Variants in CEP128 observed in about 807,000 individuals in gnomAD.
The protein encoded by CEP128 is centrosomal protein 128kDa.
In CEP128, 132 loss-of-function variants were observed where a neutral mutation model predicts 156.7. That is an observed-to-expected ratio of 0.84 (90% CI 0.73 to 0.97). The LOEUF is 0.97. CEP128 is among the 50% of genes least tolerant of loss of function. The pLI is 0.00. For missense variants in CEP128, 1,252 were observed against 1,281.9 expected (o/e 0.98, Z 0.36); for synonymous variants, 469 against 448.9 (o/e 1.04, Z -0.57).
intron 2 of CEP128, among the ~76,000 whole-genome samples, chr14:80,927,359 A>G (rs2371457): frequency 0.69 from 104,149 of 151,914 alleles, 36,820 homozygotes; most frequent in African/African-American, 0.87. Flanking sequence ...TGGAAAAGGG[A>G]ACTATTTCTC....
intron 13 of CEP128, among the ~76,000 whole-genome samples, chr14:80,803,676 T>C (rs552800635): frequency 5.3e-5 from 8 of 152,220 alleles, no homozygotes; most frequent in Admixed American, 5.2e-4. Context: ...CACTCCCAAA[T>C]ATTCACAAGT....
At chr14:80,856,377 G>A (rs898520508) in intron 9 of CEP128, among the ~76,000 whole-genome samples, 2 of 152,174 alleles carry the variant, frequency 1.3e-5, no homozygotes, top group Admixed American at 6.5e-5. Flanking sequence ...CAGGCATGGT[G>A]GCTCACACCT....
intron 18 of CEP128, among the ~76,000 whole-genome samples, chr14:80,755,615 T>G (rs970400211): frequency 2.0e-5 from 3 of 152,184 alleles, no homozygotes; most frequent in African/African-American, 7.2e-5. Flanking sequence ...CAGAGGTCCT[T>G]CTAATACTGC....
chr14:80,919,205 A>G (rs1884719181), intron 2 of CEP128, among the ~76,000 whole-genome samples: 1 of 152,328 alleles, frequency 6.6e-6, no homozygotes, highest in African/African-American at 2.4e-5. Context: ...TTTTAATAAT[A>G]ATCAGTTATC....
chr14:80,836,377 C>G (rs1422387385), intron 11 of CEP128, 40 bp from the exon 12 acceptor site: 3 of 1,611,784 alleles, frequency 1.9e-6, no homozygotes, highest in South Asian at 1.1e-5. Flanking sequence ...TTTTCACAAT[C>G]AGAGAAAGAC....
chr14:80,682,597 T>C (rs1000902125), intron 19 of CEP128, among the ~76,000 whole-genome samples: 1 of 152,136 alleles, frequency 6.6e-6, no homozygotes, highest in African/African-American at 2.4e-5. Flanking sequence ...TAGAGAACAC[T>C]TGAAAGATAC....
intron 19 of CEP128, among the ~76,000 whole-genome samples, chr14:80,584,755 C>A (rs1407672469): frequency 2.6e-5 from 4 of 152,140 alleles, no homozygotes; most frequent in Admixed American, 6.5e-5. Context: ...TGATTAGTAT[C>A]TTTCATTATA....
rs1238777779 is a variant in CEP128 at position 80,496,804 on chromosome 14, C to A, written c.*675G>T. The A allele has an allele frequency of 6.6e-6, 1 of 152,068 alleles. No individual in the cohort carries two copies. The highest frequency in any genetic ancestry group is 2.1e-4 in the South Asian group (1 of 4,832). 9.4% of individuals were successfully genotyped at this position (152,068 alleles called of 1,614,324 possible). ...AGTAGGATATTTGGCCACAAAAAGA[C>A]AAATAAATAAATTGTGCTATGAATT... is the stretch of plus-strand genomic sequence containing the variant. On this transcript the variant is annotated 3_prime_UTR_variant, in exon 25 of 25. Coordinates refer to ENST00000555265, the MANE Select transcript of CEP128 (RefSeq NM_152446.5).
intron 19 of CEP128, among the ~76,000 whole-genome samples, chr14:80,597,805 T>C (rs1892396853): frequency 6.6e-6 from 1 of 151,806 alleles, no homozygotes; most frequent in Admixed American, 6.6e-5. Context: ...AAAATCAATG[T>C]AATCCATTAT....
chr14:80,530,147 T>C (rs1889159274), intron 22 of CEP128, among the ~76,000 whole-genome samples: 1 of 152,224 alleles, frequency 6.6e-6, no homozygotes, highest in Admixed American at 6.5e-5. Context: ...TATAAATCAT[T>C]AAAATTTTAC....
chr14:80,596,514 T>A (rs924562328), intron 19 of CEP128, among the ~76,000 whole-genome samples: 6 of 151,926 alleles, frequency 3.9e-5, no homozygotes, highest in Admixed American at 3.9e-4. Flanking sequence ...AGGAATTGGA[T>A]AAAAATGAAA....
chr14:80,605,860 TG>T (rs1249525286), intron 19 of CEP128, among the ~76,000 whole-genome samples: 2 of 152,014 alleles, frequency 1.3e-5, no homozygotes, highest in African/African-American at 4.8e-5. Context: ...AGTAAAAATG[TG>T]TGTCTCATTT....
chr14:80,815,837 A>G (rs2139970569), intron 13 of CEP128, among the ~76,000 whole-genome samples: 1 of 152,232 alleles, frequency 6.6e-6, no homozygotes, highest in East Asian at 1.9e-4. Context: ...ACAGAAAGTC[A>G]AATACTGCGT....
chr14:80,800,017 T>C (rs955135321), intron 13 of CEP128, among the ~76,000 whole-genome samples: 1 of 152,144 alleles, frequency 6.6e-6, no homozygotes, highest in Non-Finnish European at 1.5e-5. Context: ...TTTTGCCTTT[T>C]GAAGCATGTG....
chr14:80,617,359 C>G (rs1388373635), intron 19 of CEP128, among the ~76,000 whole-genome samples: 1 of 151,158 alleles, frequency 6.6e-6, no homozygotes, highest in Non-Finnish European at 1.5e-5. Flanking sequence ...GCCTCCCCAG[C>G]AGCTGGGACT....
chr14:80,637,181 A>T (rs994115502), intron 19 of CEP128, among the ~76,000 whole-genome samples: 3 of 152,084 alleles, frequency 2.0e-5, no homozygotes, highest in Non-Finnish European at 4.4e-5. Flanking sequence ...TAAAACTAAA[A>T]TTTTTAACAT....
At chr14:80,540,101 C>T (rs1037016648) in intron 21 of CEP128, among the ~76,000 whole-genome samples, 2 of 152,094 alleles carry the variant, frequency 1.3e-5, no homozygotes, top group African/African-American at 2.4e-5. Flanking sequence ...TTGTCCTGTT[C>T]CCTCAGAAGC....
At chr14:80,857,103 A>G (rs1307051574) in intron 9 of CEP128, among the ~76,000 whole-genome samples, 1 of 151,966 alleles carries the variant, frequency 6.6e-6, no homozygotes, top group East Asian at 1.9e-4. Flanking sequence ...TTCAATGTAT[A>G]TGAAATAGCC....
At chr14:80,739,440 C>T (rs1437437520) in intron 19 of CEP128, among the ~76,000 whole-genome samples, 1 of 152,098 alleles carries the variant, frequency 6.6e-6, no homozygotes, top group Non-Finnish European at 1.5e-5. Context: ...CTCATCCACC[C>T]GTATCTTCCA....
Sources: allele counts gnomAD v4.1 joint callset (sites outside exome capture counted in the v4.1 genomes callset), GRCh38; gene constraint gnomAD v4.1.1; transcripts MANE v1.5; gene names NCBI Gene and HGNC (gene_info 2026-07-23, HGNC 2026-07-21).